Variants in COL25A1 observed in about 807,000 individuals in gnomAD.
COL25A1 encodes the protein collagen alpha-1(XXV) chain.
In COL25A1, 103 loss-of-function variants were observed where a neutral mutation model predicts 128.4. The observed-to-expected ratio is 0.80, with a 90% CI of 0.68 to 0.94. The LOEUF (loss-of-function observed/expected upper bound fraction) is 0.94, where lower values mean the gene tolerates loss of function less well. COL25A1 is among the 40% of genes least tolerant of loss of function. The probability of loss-of-function intolerance (pLI) is 0.00; values close to 1 mark genes in which losing one functional copy is unlikely to be tolerated. For synonymous variants in COL25A1, 279 were observed against 277.2 expected, an observed-to-expected ratio of 1.01 and a Z score of -0.06; for missense variants, 745 against 840.0, an observed-to-expected ratio of 0.89 and a Z score of 1.40.
chr4:109,221,420 CTTGT>C (rs933399601), intron 3 of COL25A1, among the ~76,000 whole-genome samples: 1 of 152,134 alleles, frequency 6.6e-6, no homozygotes, highest in African/African-American at 2.4e-5. Flanking sequence ...AGTCATTAAA[CTTGT>C]TTGAAATAGT....
At chr4:109,169,685 T>C (rs2126129468) in intron 3 of COL25A1, among the ~76,000 whole-genome samples, 1 of 152,322 alleles carries the variant, frequency 6.6e-6, no homozygotes, top group African/African-American at 2.4e-5. Flanking sequence ...TAATTTCCAC[T>C]ATAATATGGT....
At chr4:109,286,802 C>T (rs1723934680) in intron 3 of COL25A1, among the ~76,000 whole-genome samples, 1 of 152,160 alleles carries the variant, frequency 6.6e-6, no homozygotes, top group South Asian at 2.1e-4. Context: ...CCACCTAATT[C>T]GATCTCTGTT....
At chr4:108,825,393 T>A (rs993079090) in intron 33 of COL25A1, among the ~76,000 whole-genome samples, 171 bp from the exon 34 acceptor site, 1 of 152,200 alleles carries the variant, frequency 6.6e-6, no homozygotes, top group African/African-American at 2.4e-5. Context: ...TTAAGGGTCA[T>A]GAAAATTTTA....
intron 3 of COL25A1, among the ~76,000 whole-genome samples, chr4:109,121,802 T>A (rs1428355966): frequency 1.3e-5 from 2 of 152,058 alleles, no homozygotes; most frequent in African/African-American, 4.8e-5. Flanking sequence ...AAAACTTATA[T>A]CCACACAAAA....
intron 27 of COL25A1, among the ~76,000 whole-genome samples, chr4:108,847,884 G>A (rs1735300690): frequency 6.6e-6 from 1 of 152,092 alleles, no homozygotes; most frequent in South Asian, 2.1e-4. Flanking sequence ...TGCACTAACT[G>A]TATTAAGAAT....
At chr4:109,224,430 T>A (rs912841969) in intron 3 of COL25A1, among the ~76,000 whole-genome samples, 4 of 152,172 alleles carry the variant, frequency 2.6e-5, no homozygotes, top group Non-Finnish European at 5.9e-5. Context: ...TATGTTTAAA[T>A]ATCAGTCATC....
intron 3 of COL25A1, among the ~76,000 whole-genome samples, chr4:109,265,721 G>T (rs1175933450): frequency 1.3e-5 from 2 of 152,098 alleles, no homozygotes; most frequent in Non-Finnish European, 2.9e-5. Context: ...CTTCCTAAAT[G>T]TTACTTTCAA....
At chr4:108,999,501 C>T (rs551693427) in intron 6 of COL25A1, among the ~76,000 whole-genome samples, 1 of 152,172 alleles carries the variant, frequency 6.6e-6, no homozygotes, top group African/African-American at 2.4e-5. Context: ...AATAGGAATG[C>T]TTTTACACTG....
At chr4:109,061,990 G>A (rs1056472290) in intron 3 of COL25A1, among the ~76,000 whole-genome samples, 3 of 152,106 alleles carry the variant, frequency 2.0e-5, no homozygotes, top group South Asian at 4.1e-4. Context: ...ATGTTGCATA[G>A]GAACTAACAC....
At chr4:109,093,647 GA>G (rs912343086) in intron 3 of COL25A1, among the ~76,000 whole-genome samples, 1 of 149,056 alleles carries the variant, frequency 6.7e-6, no homozygotes, top group East Asian at 2.0e-4. Context: ...TCTCTTAAAA[GA>G]AAAAAAAAGA....
At chr4:109,261,353 C>T (rs112867837) in intron 3 of COL25A1, among the ~76,000 whole-genome samples, 3,544 of 152,142 alleles carry the variant, frequency 0.023, 150 homozygotes, top group African/African-American at 0.077. Context: ...CTCATCTCTA[C>T]TAAAAATACA....
At chr4:109,216,407 G>T (rs1778001499) in intron 3 of COL25A1, among the ~76,000 whole-genome samples, 1 of 152,118 alleles carries the variant, frequency 6.6e-6, no homozygotes, top group South Asian at 2.1e-4. Flanking sequence ...TCTTCAAAGA[G>T]ATATGCTCAA....
intron 3 of COL25A1, among the ~76,000 whole-genome samples, chr4:109,179,256 C>A (rs1774402696): frequency 6.6e-6 from 1 of 152,172 alleles, no homozygotes; most frequent in Admixed American, 6.5e-5. Flanking sequence ...ACTATTGAGT[C>A]CCAGCCTTCC....
At chr4:108,900,590 A>G (rs1742716448) in intron 14 of COL25A1, among the ~76,000 whole-genome samples, 1 of 152,208 alleles carries the variant, frequency 6.6e-6, no homozygotes, top group African/African-American at 2.4e-5. Flanking sequence ...CTTGGAATAA[A>G]AAAATCTTCA....
chr4:109,272,666 T>C (rs1038021799), intron 3 of COL25A1, among the ~76,000 whole-genome samples: 9 of 152,130 alleles, frequency 5.9e-5, no homozygotes, highest in South Asian at 4.1e-4. Flanking sequence ...AATTAAATAA[T>C]TGAGATGCAA....
chr4:109,279,207 T>C (rs1055804377), intron 3 of COL25A1, among the ~76,000 whole-genome samples: 10 of 152,150 alleles, frequency 6.6e-5, no homozygotes, highest in Admixed American at 6.5e-4. Flanking sequence ...CTATTTTAAT[T>C]TCTGCATTAA....
chr4:109,153,533 C>T (rs941766573), intron 3 of COL25A1, among the ~76,000 whole-genome samples: 11 of 152,208 alleles, frequency 7.2e-5, no homozygotes, highest in South Asian at 4.1e-4. Flanking sequence ...ATAATGCTGA[C>T]GCCTCCAAAG....
chr4:109,074,431 G>C (rs1763229485), intron 3 of COL25A1, among the ~76,000 whole-genome samples: 1 of 152,142 alleles, frequency 6.6e-6, no homozygotes, highest in South Asian at 2.1e-4. Flanking sequence ...TCTTTGCTTT[G>C]AAGAAAGAAT....
At chr4:108,963,102 CTGAACA>C (rs1750914910) in intron 8 of COL25A1, among the ~76,000 whole-genome samples, 1 of 152,162 alleles carries the variant, frequency 6.6e-6, no homozygotes. Context: ...ACTGTTCTCC[CTGAACA>C]TCATCTGTCA....
Sources: allele counts gnomAD v4.1 joint callset (sites outside exome capture counted in the v4.1 genomes callset), GRCh38; gene constraint gnomAD v4.1.1; transcripts MANE v1.5; gene names NCBI Gene and HGNC (gene_info 2026-07-23, HGNC 2026-07-21).